VPS41: variants seen among roughly 807,000 people sequenced by gnomAD.
VPS41 encodes the protein VPS41 subunit of HOPS complex.
Under a neutral mutation model 130.9 loss-of-function variants are expected in VPS41, and 85 were observed. That is an observed-to-expected ratio of 0.65 (90% CI 0.55 to 0.78). VPS41 has a LOEUF of 0.78. Ranked by LOEUF, VPS41 falls within the 30% of genes least tolerant of loss-of-function variation. The probability of loss-of-function intolerance (pLI) is 0.00; values close to 1 mark genes in which losing one functional copy is unlikely to be tolerated. For synonymous variants in VPS41, 335 were observed against 332.9 expected, an observed-to-expected ratio of 1.01 and a Z score of -0.07; for missense variants, 874 against 1,018.7, an observed-to-expected ratio of 0.86 and a Z score of 1.93.
At chr7:38,865,065 G>A (rs1786199604) in intron 3 of VPS41, among the ~76,000 whole-genome samples, 1 of 152,140 alleles carries the variant, frequency 6.6e-6, no homozygotes, top group Non-Finnish European at 1.5e-5. Context: ...CTGGTCAACT[G>A]TCTAATATCA....
chr7:38,871,780 C>T (rs1239638483), intron 2 of VPS41, among the ~76,000 whole-genome samples: 1 of 152,184 alleles, frequency 6.6e-6, no homozygotes, highest in Non-Finnish European at 1.5e-5. Flanking sequence ...CATTAGCTAG[C>T]TATTGTTGTG....
At chr7:38,794,464 T>C (rs1303816388) in intron 9 of VPS41, among the ~76,000 whole-genome samples, 1 of 152,238 alleles carries the variant, frequency 6.6e-6, no homozygotes, top group East Asian at 1.9e-4. Context: ...ACATTTTAAA[T>C]AGCCACGTCC....
At chr7:38,756,275 A>G (rs149868296) in intron 19 of VPS41, among the ~76,000 whole-genome samples, 172 of 150,860 alleles carry the variant, frequency 1.1e-3, no homozygotes, top group African/African-American at 3.9e-3. Context: ...GCAAGCACCA[A>G]TGTGAGCTGT....
intron 15 of VPS41, among the ~76,000 whole-genome samples, chr7:38,766,553 G>C (rs372522697): frequency 6.6e-6 from 1 of 152,138 alleles, no homozygotes; most frequent in Admixed American, 6.5e-5. Context: ...GTAAAATGAC[G>C]CCTTTAGGAC....
rs775488524 is a variant in VPS41 at position 38,754,894 on chromosome 7, C to A, written c.1737+1G>T. 1.9e-6 allele frequency: 3 copies of A among 1,613,542 alleles called. No individual in the cohort carries two copies. In the East Asian group the frequency reaches 6.7e-5, roughly 36 times the overall value. On this transcript the variant is annotated splice_donor_variant, in intron 20 of 28. Transcript: ENST00000310301. LOFTEE classifies it high-confidence loss of function. ...CACATATAAAAACAAATGACACTCA[C>A]TGAAATTTTATCTTCATTGTCCAAA...
intron 22 of VPS41, among the ~76,000 whole-genome samples, chr7:38,748,022 T>C (rs1039213683): frequency 6.6e-6 from 1 of 152,246 alleles, no homozygotes; most frequent in African/African-American, 2.4e-5. Context: ...TGTTTCATGA[T>C]GAGTTTCTAA....
intron 4 of VPS41, among the ~76,000 whole-genome samples, chr7:38,835,517 G>C (rs1343805697): frequency 6.6e-6 from 1 of 151,856 alleles, no homozygotes. Context: ...CATTAATCTA[G>C]TTATTAATAA....
intron 1 of VPS41, among the ~76,000 whole-genome samples, chr7:38,898,719 T>A (rs1352256221): frequency 1.3e-5 from 2 of 152,318 alleles, no homozygotes; most frequent in Middle Eastern, 3.4e-3. Context: ...AGACAATGAA[T>A]CTTGCTGCTC....
chr7:38,879,500 G>GAA (rs919465288), intron 2 of VPS41, among the ~76,000 whole-genome samples: 7 of 146,886 alleles, frequency 4.8e-5, no homozygotes, highest in African/African-American at 1.7e-4. Context: ...TCAAATAACA[G>GAA]AAAAAAAAAA....
Position 38,820,886 on chromosome 7 carries a change from G to A in VPS41, c.384+317C>T, listed in dbSNP as rs144200459. ...AAGTGATTCCTTTCAGCTTTGGAACGCTTAATATTATTCCTACCTCTTTGA... is the reference window on the plus strand; with the variant it reads ...AAGTGATTCCTTTCAGCTTTGGAACACTTAATATTATTCCTACCTCTTTGA... On this transcript the variant is annotated intron_variant, in intron 6 of 28. Coordinates refer to ENST00000310301, the MANE Select transcript of VPS41 (RefSeq NM_014396.4). 2.6e-3 allele frequency among the ~76,000 whole-genome samples: 398 copies of A among 152,218 alleles called. 1 individual carries two copies. The highest frequency in any genetic ancestry group is 9.3e-3 in the African/African-American group (385 of 41,524).
At chr7:38,821,136 T>G (rs1438029176) in intron 6 of VPS41, 67 bp downstream of exon 6, 3 of 1,198,592 alleles carry the variant, frequency 2.5e-6, no homozygotes, top group African/African-American at 1.5e-5. Context: ...AATGTTCAAA[T>G]TACTGTAATC....
chr7:38,748,944 T>G (rs533263174), intron 22 of VPS41, among the ~76,000 whole-genome samples: 1 of 152,198 alleles, frequency 6.6e-6, no homozygotes, highest in East Asian at 1.9e-4. Context: ...AACTGCACTT[T>G]TGTAGAGATT....
intron 2 of VPS41, among the ~76,000 whole-genome samples, chr7:38,876,785 T>TA (rs1786501717): frequency 6.6e-6 from 1 of 152,126 alleles, no homozygotes; most frequent in Non-Finnish European, 1.5e-5. Context: ...GTCTCTCCTG[T>TA]GCCCTGTAGT....
intron 1 of VPS41, among the ~76,000 whole-genome samples, chr7:38,907,662 A>G (rs1787297367): frequency 6.6e-6 from 1 of 152,250 alleles, no homozygotes; most frequent in South Asian, 2.1e-4. Flanking sequence ...CAACTTTGTT[A>G]AATTCTTCTT....
intron 7 of VPS41, among the ~76,000 whole-genome samples, chr7:38,812,256 G>A (rs1327526364): frequency 6.6e-6 from 1 of 152,008 alleles, no homozygotes; most frequent in East Asian, 1.9e-4. Flanking sequence ...TAACATTTAT[G>A]GTTAACCAAT....
intron 25 of VPS41, among the ~76,000 whole-genome samples, chr7:38,736,765 A>G (rs774133947): frequency 6.6e-6 from 1 of 152,266 alleles, no homozygotes. Context: ...GATGAGAATC[A>G]TAATTGTAAA....
At chr7:38,729,737 TG>T (rs968956435) in intron 25 of VPS41, among the ~76,000 whole-genome samples, 171 of 152,172 alleles carry the variant, frequency 1.1e-3, no homozygotes, top group African/African-American at 3.9e-3. Flanking sequence ...GGAGGCACGA[TG>T]GGGTCCAAGA....
In VPS41 at chr7:38,756,886, GAA is replaced by G; in HGVS notation, c.1645_1646del (p.Phe549GlnfsTer6). 1 of 1,597,834 alleles carries G rather than the reference GAA, an allele frequency of 6.3e-7. No homozygotes were observed. The highest frequency in any genetic ancestry group is 8.6e-7 in the Non-Finnish European group (1 of 1,167,510). On this transcript the variant is annotated frameshift_variant, in exon 19 of 29. Transcript: ENST00000310301. LOFTEE classifies it high-confidence loss of function. ...AAACAATTTTATCCTTGATAGAACT[GAA>G]AAGATTATGCTTGTGGATCAACTGA... The part of the protein sequence containing the change: ...VFQLIHKHNL[F>X]SSIKDKIVLL...
chr7:38,822,073 C>T (rs1467320699), intron 5 of VPS41, among the ~76,000 whole-genome samples: 1 of 152,092 alleles, frequency 6.6e-6, no homozygotes, highest in Non-Finnish European at 1.5e-5. Flanking sequence ...ACTGAGAATA[C>T]AGAAATGAAA....
Sources: gnomAD v4.1 joint callset for allele counts (sites outside exome capture counted in the v4.1 genomes callset) on GRCh38, gnomAD v4.1.1 for gene constraint, MANE v1.5 for transcripts, NCBI Gene and HGNC (gene_info 2026-07-23, HGNC 2026-07-21) for gene names.